DTWD2: variants seen among roughly 807,000 people sequenced by gnomAD.
DTWD2 encodes DTW motif tRNA-uridine aminocarboxypropyltransferase 2.
Under a neutral mutation model 31.8 loss-of-function variants are expected in DTWD2, and 39 were observed. The observed-to-expected ratio is 1.22, with a 90% CI of 0.95 to 1.60. The LOEUF (loss-of-function observed/expected upper bound fraction) is 1.60. Among genes scored for constraint, DTWD2 ranks in the 40% most tolerant of loss-of-function variants. The probability of loss-of-function intolerance (pLI) is 0.00; values close to 1 mark genes in which losing one functional copy is unlikely to be tolerated. For missense variants in DTWD2, 515 were observed against 381.5 expected (o/e 1.35, Z -2.92); for synonymous variants, 180 against 142.8 (o/e 1.26, Z -1.86).
At chr5:118,878,814 C>A (rs1242485326) in intron 4 of DTWD2, among the ~76,000 whole-genome samples, 1 of 151,870 alleles carries the variant, frequency 6.6e-6, no homozygotes, top group Non-Finnish European at 1.5e-5. Flanking sequence ...AAAAAAAATC[C>A]TATTAAAAAG....
At chr5:118,986,612 A>C (rs892089298) in intron 1 of DTWD2, among the ~76,000 whole-genome samples, 1 of 152,224 alleles carries the variant, frequency 6.6e-6, no homozygotes, top group Non-Finnish European at 1.5e-5. Context: ...AAGTTCACCC[A>C]GGGTACTAGT....
chr5:118,847,923 AC>A (rs57425890), intron 5 of DTWD2, among the ~76,000 whole-genome samples, 166 bp downstream of exon 5: 6,341 of 152,160 alleles, frequency 0.042, 434 homozygotes, highest in African/African-American at 0.14. Context: ...AAACACACAC[AC>A]AGAAAAACAC....
chr5:118,958,348 C>T (rs1388539736), intron 1 of DTWD2, among the ~76,000 whole-genome samples: 2 of 151,976 alleles, frequency 1.3e-5, no homozygotes, highest in Non-Finnish European at 2.9e-5. Context: ...GTCCCAGCTA[C>T]TCCAGAGGCT....
chr5:118,879,727 CT>C (rs1197819380), intron 4 of DTWD2, among the ~76,000 whole-genome samples: 5 of 151,456 alleles, frequency 3.3e-5, no homozygotes, highest in Admixed American at 6.6e-5. Flanking sequence ...ACCACATGTT[CT>C]TACTTATACG....
intron 4 of DTWD2, among the ~76,000 whole-genome samples, chr5:118,859,206 GA>G (rs766866641): frequency 0.038 from 4,811 of 127,204 alleles, 84 homozygotes; most frequent in African/African-American, 0.045. Flanking sequence ...ATTCTTGAAG[GA>G]AAAAAAAAAA....
chr5:118,975,446 T>C (rs1026212493), intron 1 of DTWD2, among the ~76,000 whole-genome samples: 18 of 152,172 alleles, frequency 1.2e-4, no homozygotes, highest in African/African-American at 4.1e-4. Flanking sequence ...TCAAGGTTCT[T>C]AGCTTCCTTA....
At chr5:118,878,488 T>C (rs1043054581) in intron 4 of DTWD2, among the ~76,000 whole-genome samples, 20 of 152,164 alleles carry the variant, frequency 1.3e-4, no homozygotes, top group Admixed American at 1.1e-3. Flanking sequence ...GACCCCTTCA[T>C]TATACCATAT....
chr5:118,842,359 G>A (rs1337056068), intron 5 of DTWD2, among the ~76,000 whole-genome samples: 2 of 152,144 alleles, frequency 1.3e-5, no homozygotes, highest in African/African-American at 4.8e-5. Flanking sequence ...CTTTAAAGGG[G>A]ACAAACTTAG....
rs368287779 is a variant in DTWD2, at chr5:118,961,243, TATC to T, written c.219-16597_219-16595del. Reference sequence around the variant, plus strand: ...ATGGATCAACTAAGACTGAGAATCTTATCATAATCATCTCACGTTCAGTTAACC... The same window carrying T: ...ATGGATCAACTAAGACTGAGAATCTTATAATCATCTCACGTTCAGTTAACC... On this transcript the variant is annotated intron_variant, in intron 1 of 5. Transcript: ENST00000510708. 1.7e-4 allele frequency among the ~76,000 whole-genome samples: 26 copies of T among 152,300 alleles called. No individual in the cohort carries two copies. The East Asian group carries it at 4.6e-3, about 27-fold the overall frequency.
intron 1 of DTWD2, among the ~76,000 whole-genome samples, chr5:118,964,612 G>A (rs146562375): frequency 0.15 from 23,436 of 152,202 alleles, 1,927 homozygotes; most frequent in Middle Eastern, 0.22. Flanking sequence ...ACTGGTTTTC[G>A]TATTTTTTTG....
intron 4 of DTWD2, among the ~76,000 whole-genome samples, chr5:118,885,774 A>T (rs946890052): frequency 7.9e-5 from 12 of 151,262 alleles, no homozygotes; most frequent in African/African-American, 1.9e-4. Flanking sequence ...ATTTAAAAAA[A>T]AAAATAAAAA....
intron 1 of DTWD2, chr5:118,974,053 C>A (rs1214590673): frequency 6.2e-7 from 1 of 1,606,348 alleles, no homozygotes; most frequent in African/African-American, 1.3e-5. Context: ...CAGCTACGGG[C>A]AAGCGGGCAG....
intron 4 of DTWD2, among the ~76,000 whole-genome samples, chr5:118,880,714 T>C (rs535567863): frequency 6.6e-6 from 1 of 152,268 alleles, no homozygotes; most frequent in African/African-American, 2.4e-5. Flanking sequence ...AATATTATCT[T>C]TCTCATACAT....
intron 1 of DTWD2, among the ~76,000 whole-genome samples, chr5:118,961,792 T>C (rs1754711887): frequency 6.6e-6 from 1 of 152,222 alleles, no homozygotes; most frequent in Admixed American, 6.5e-5. Context: ...CTTCCTCATT[T>C]TACATCAATG....
intron 4 of DTWD2, among the ~76,000 whole-genome samples, chr5:118,924,151 C>T (rs553043499): frequency 6.6e-6 from 1 of 152,160 alleles, no homozygotes; most frequent in East Asian, 1.9e-4. Context: ...CTCCTCTAAC[C>T]GGTCCAGGTC....
chr5:118,877,988 G>A (rs1488897262), intron 4 of DTWD2, among the ~76,000 whole-genome samples: 1 of 152,056 alleles, frequency 6.6e-6, no homozygotes, highest in Admixed American at 6.6e-5. Context: ...ACTAACTAGG[G>A]AGGTGAAAGA....
At chr5:118,906,533 T>C (rs1753335763) in intron 4 of DTWD2, among the ~76,000 whole-genome samples, 1 of 152,182 alleles carries the variant, frequency 6.6e-6, no homozygotes, top group Non-Finnish European at 1.5e-5. Flanking sequence ...AATGAACTTC[T>C]GATACATACA....
At chr5:118,844,243 G>A (rs1751793955) in intron 5 of DTWD2, among the ~76,000 whole-genome samples, 1 of 152,206 alleles carries the variant, frequency 6.6e-6, no homozygotes, top group Non-Finnish European at 1.5e-5. Flanking sequence ...ACTACCAACT[G>A]CAGATATTGG....
intron 1 of DTWD2, among the ~76,000 whole-genome samples, chr5:118,966,182 T>C (rs997286481): frequency 6.6e-6 from 1 of 152,178 alleles, no homozygotes; most frequent in East Asian, 1.9e-4. Flanking sequence ...TCTCCTAACA[T>C]CTGTATTAGT....
Sources: gnomAD v4.1 joint callset for allele counts (sites outside exome capture counted in the v4.1 genomes callset) on GRCh38, gnomAD v4.1.1 for gene constraint, MANE v1.5 for transcripts, NCBI Gene and HGNC (gene_info 2026-07-23, HGNC 2026-07-21) for gene names.